The following TMC1 variants were observed in gnomAD, a reference collection of about 807,000 sequenced individuals.
TMC1 encodes transmembrane channel like 1, also known as transmembrane channel-like protein 1.
In TMC1, 84 loss-of-function variants were observed where a neutral mutation model predicts 105.8. The observed-to-expected ratio is 0.79, with a 90% CI of 0.67 to 0.95. The LOEUF (loss-of-function observed/expected upper bound fraction) is 0.95, where lower values mean the gene tolerates loss of function less well. Among genes scored for constraint, TMC1 ranks in the 40% least tolerant of loss-of-function variants. The pLI, the probability that TMC1 is intolerant of heterozygous loss-of-function variation, is 0.00. For missense variants in TMC1, 817 were observed against 914.1 expected, an observed-to-expected ratio of 0.89 and a Z score of 1.37; for synonymous variants, 315 against 311.5, an observed-to-expected ratio of 1.01 and a Z score of -0.12.
intron 8 of TMC1, among the ~76,000 whole-genome samples, chr9:72,738,158 CAAGAT>C (rs926056933): frequency 1.3e-5 from 2 of 152,172 alleles, no homozygotes; most frequent in Non-Finnish European, 2.9e-5. Flanking sequence ...TACAACAAGA[CAAGAT>C]ATTGTGTCCG....
rs1245392531 is a variant in TMC1 at position 72,836,501 on chromosome 9, C to T, written c.*528C>T. 1.9e-5 allele frequency: 3 copies of T among 158,826 alleles called. No homozygotes were observed. Among genetic ancestry groups the T allele is most frequent in the African/African-American group, 7.3e-5 (3 of 41,362 alleles). The allele number at this position is 158,826 out of a possible 1,614,324, so 9.8% of individuals were successfully genotyped here. ...TCTTTTTTTCTACCTGTCTCCCCAA[C>T]CACGCGCCCCACAAATATATTCCTA... On this transcript the variant is annotated 3_prime_UTR_variant, in exon 24 of 24. Coordinates refer to ENST00000297784, the MANE Select transcript of TMC1 (RefSeq NM_138691.3).
intron 1 of TMC1, among the ~76,000 whole-genome samples, chr9:72,552,590 CAAGATACTTGGAA>C (rs1229312863): frequency 6.6e-6 from 1 of 152,122 alleles, no homozygotes; most frequent in African/African-American, 2.4e-5. Context: ...ACATGGATCA[CAAGATACTTGGAA>C]AAGCAGTGTT....
intron 17 of TMC1, among the ~76,000 whole-genome samples, chr9:72,802,757 C>T (rs1828497987): frequency 6.6e-6 from 1 of 152,154 alleles, no homozygotes; most frequent in African/African-American, 2.4e-5. Flanking sequence ...TGAAAACATT[C>T]CATGCTCATG....
At chr9:72,541,020 C>A (rs1823666331) in intron 1 of TMC1, among the ~76,000 whole-genome samples, 1 of 152,142 alleles carries the variant, frequency 6.6e-6, no homozygotes, top group South Asian at 2.1e-4. Context: ...TGGATGTGGC[C>A]AGGTCCTGAA....
chr9:72,644,174 C>G (rs1444710659), intron 4 of TMC1, among the ~76,000 whole-genome samples: 1 of 152,012 alleles, frequency 6.6e-6, no homozygotes, highest in Non-Finnish European at 1.5e-5. Context: ...GATACAAATC[C>G]TTTAACAAAT....
At chr9:72,699,391 TAA>T (rs1259883891) in intron 7 of TMC1, among the ~76,000 whole-genome samples, 3 of 152,206 alleles carry the variant, frequency 2.0e-5, no homozygotes, top group Non-Finnish European at 2.9e-5. Flanking sequence ...CAGATAACAT[TAA>T]GTTACCTTTG....
At chr9:72,772,273 GC>G (rs1564544256) in intron 12 of TMC1, 139 bp from the exon 13 acceptor site, 1 of 1,040,770 alleles carries the variant, frequency 9.6e-7, no homozygotes, top group Non-Finnish European at 1.5e-6. Flanking sequence ...ACTTTATGGA[GC>G]AAAACAATAG....
At chr9:72,564,211 A>C (rs1824108159) in intron 1 of TMC1, among the ~76,000 whole-genome samples, 1 of 152,112 alleles carries the variant, frequency 6.6e-6, no homozygotes, top group Non-Finnish European at 1.5e-5. Flanking sequence ...TTTTCTAATT[A>C]TGGTAACCTA....
chr9:72,665,716 T>G (rs1826032978), intron 5 of TMC1, among the ~76,000 whole-genome samples: 2 of 152,244 alleles, frequency 1.3e-5, no homozygotes, highest in South Asian at 4.1e-4. Flanking sequence ...TTACAGAGAT[T>G]AATCTAACAG....
chr9:72,650,590 C>A (rs1012107896), intron 5 of TMC1, among the ~76,000 whole-genome samples: 21 of 151,756 alleles, frequency 1.4e-4, no homozygotes, highest in African/African-American at 4.6e-4. Context: ...CATATTATTT[C>A]ACACCCAGGT....
chr9:72,716,040 T>G (rs1826911815), intron 8 of TMC1, among the ~76,000 whole-genome samples: 1 of 152,168 alleles, frequency 6.6e-6, no homozygotes, highest in African/African-American at 2.4e-5. Flanking sequence ...CTGCTGGAGT[T>G]TGCTGGAGGT....
chr9:72,546,147 G>A (rs1022052766), intron 1 of TMC1, among the ~76,000 whole-genome samples: 4 of 151,684 alleles, frequency 2.6e-5, no homozygotes, highest in African/African-American at 9.7e-5. Context: ...GAAAAAATTA[G>A]CCCGGCGTGG....
intron 2 of TMC1, among the ~76,000 whole-genome samples, chr9:72,586,591 T>C (rs899260660): frequency 2.6e-5 from 4 of 152,174 alleles, no homozygotes; most frequent in African/African-American, 9.7e-5. Flanking sequence ...GAGATGGAGC[T>C]CAGTTGCCAC....
intron 8 of TMC1, among the ~76,000 whole-genome samples, chr9:72,718,199 C>G (rs1295158376): frequency 6.6e-6 from 1 of 151,316 alleles, no homozygotes; most frequent in South Asian, 2.1e-4. Flanking sequence ...ATTTTTTTTT[C>G]TGGCAATTCA....
intron 2 of TMC1, among the ~76,000 whole-genome samples, chr9:72,588,718 G>A (rs984655784): frequency 2.0e-5 from 3 of 151,974 alleles, no homozygotes; most frequent in African/African-American, 7.3e-5. Context: ...GAAGGTCAAA[G>A]AATGTGGAGG....
At chr9:72,739,609 T>A (rs1047627455) in intron 8 of TMC1, among the ~76,000 whole-genome samples, 1 of 152,222 alleles carries the variant, frequency 6.6e-6, no homozygotes, top group Non-Finnish European at 1.5e-5. Context: ...CCCCATTTAC[T>A]TTACAGAATG....
chr9:72,571,748 T>G (rs1258536645), intron 1 of TMC1, among the ~76,000 whole-genome samples: 4 of 152,206 alleles, frequency 2.6e-5, no homozygotes, highest in Non-Finnish European at 5.9e-5. Flanking sequence ...TTTATATTCA[T>G]AGTATCACAC....
intron 5 of TMC1, among the ~76,000 whole-genome samples, chr9:72,686,888 A>G (rs899027287): frequency 6.6e-6 from 1 of 152,072 alleles, no homozygotes; most frequent in African/African-American, 2.4e-5. Flanking sequence ...ATCTTCCCTT[A>G]TGGACTTTTA....
At chr9:72,678,436 G>A (rs904931886) in intron 5 of TMC1, among the ~76,000 whole-genome samples, 1 of 152,004 alleles carries the variant, frequency 6.6e-6, no homozygotes. Context: ...ATGCTTACGG[G>A]TTTGAATTCT....
Sources: allele counts gnomAD v4.1 joint callset (sites outside exome capture counted in the v4.1 genomes callset), GRCh38; gene constraint gnomAD v4.1.1; transcripts MANE v1.5; gene names NCBI Gene and HGNC (gene_info 2026-07-23, HGNC 2026-07-21).